The following NBPF12 variants were observed in gnomAD, a reference collection of about 807,000 sequenced individuals.
NBPF12 encodes the protein NBPF member 12.
Under a neutral mutation model 146.4 loss-of-function variants are expected in NBPF12, and 115 were observed. That is an observed-to-expected ratio of 0.79 (90% CI 0.68 to 0.92). NBPF12 has a LOEUF of 0.92. Among genes scored for constraint, NBPF12 ranks in the 40% least tolerant of loss-of-function variants. The probability of loss-of-function intolerance (pLI) is 0.00; values close to 1 mark genes in which losing one functional copy is unlikely to be tolerated. For missense variants in NBPF12, 1,205 were observed against 1,326.8 expected (o/e 0.91, Z 1.43); for synonymous variants, 385 against 508.9 (o/e 0.76, Z 3.28).
chr1:146,977,099 G>A (rs1480453658), intron 17 of NBPF12, 98 bp downstream of exon 20: 27 of 673,226 alleles, frequency 4.0e-5, no homozygotes, highest in East Asian at 1.0e-4. Context: ...CCAAAAACCC[G>A]CATTCGCTTG....
chr1:146,970,943 C>T (rs1273860457), intron 12 of NBPF12, among the ~76,000 whole-genome samples: 4 of 151,302 alleles, frequency 2.6e-5, no homozygotes, highest in African/African-American at 9.8e-5. Context: ...TCTTCATCCT[C>T]CTCAGCTCCT....
At chr1:146,966,143 A>C (rs1656192450) in intron 8 of NBPF12, among the ~76,000 whole-genome samples, 1 of 151,976 alleles carries the variant, frequency 6.6e-6, no homozygotes, top group Non-Finnish European at 1.5e-5. Flanking sequence ...AAAAAAATTA[A>C]AAAAGCAAAA....
chr1:146,980,970 G>A (rs1339254640), intron 19 of NBPF12, among the ~76,000 whole-genome samples: 2 of 133,834 alleles, frequency 1.5e-5, no homozygotes, highest in East Asian at 2.2e-4. Flanking sequence ...ATGAGTTCAT[G>A]TCCTTTGTAG....
chr1:146,944,969 TCCCTCCCTCCCTGCCTTCCTTCC>T (rs1654967508), upstream of NBPF12, among the ~76,000 whole-genome samples: 1 of 73,996 alleles, frequency 1.4e-5, no homozygotes, highest in East Asian at 5.3e-4. Flanking sequence ...CCTCCCTTCC[TCCCTCCCTCCCTGCCTTCCTTCC>T]TCCCTCCCTC....
At chr1:146,976,683 G>C (rs1657055350) in intron 16 of NBPF12, among the ~76,000 whole-genome samples, 1 of 151,758 alleles carries the variant, frequency 6.6e-6, no homozygotes, top group Admixed American at 6.6e-5. Context: ...AGCCTCCAGT[G>C]ATATGGGAAG....
At chr1:146,939,149 T>C (rs1482337191) in intron 1 of NBPF12, among the ~76,000 whole-genome samples, 137 bp downstream of exon 1, 79 of 152,108 alleles carry the variant, frequency 5.2e-4, no homozygotes, top group Non-Finnish European at 9.9e-4. Context: ...CTAAGTTCCC[T>C]GCGCTTGATT....
chr1:146,968,378 G>C, intron 9 of NBPF12, 70 bp from the exon 13 acceptor site: 2 of 1,235,104 alleles, frequency 1.6e-6, no homozygotes, highest in Non-Finnish European at 2.4e-6. Context: ...CCTGGCTCCT[G>C]CCCTGTAGGC....
intron 4 of NBPF12, among the ~76,000 whole-genome samples, chr1:146,960,542 C>T (rs1400944764): frequency 1.3e-5 from 2 of 151,968 alleles, no homozygotes; most frequent in African/African-American, 4.9e-5. Context: ...TAGAGTTAAA[C>T]TCACAGTTAC....
intron 2 of NBPF12, 185 bp downstream of exon 5, chr1:146,951,674 A>G (rs1315970433): frequency 6.9e-5 from 35 of 507,804 alleles, no homozygotes; most frequent in South Asian, 5.7e-4. Flanking sequence ...TAATAATTTT[A>G]TGGGCATTCT....
At chr1:146,984,078 C>A in intron 20 of NBPF12, 56 bp from the exon 24 acceptor site, 1 of 656,440 alleles carries the variant, frequency 1.5e-6, no homozygotes. Flanking sequence ...AGGAATGTTT[C>A]TGTGTGCAAG....
exon 12 of NBPF12, chr1:146,970,708 A>G: frequency 1.5e-6 from 2 of 1,375,768 alleles, no homozygotes; most frequent in Non-Finnish European, 1.0e-6. Context: ...TGCTGGAATC[A>G]TCTTCCCCCA....
At chr1:146,972,987 A>G in intron 14 of NBPF12, 27 bp downstream of exon 17, 2 of 906,168 alleles carry the variant, frequency 2.2e-6, no homozygotes, top group African/African-American at 1.6e-5. Flanking sequence ...CACCATCATG[A>G]AAGTGATGAA....
At chr1:146,978,158 C>T (rs1159872586) in intron 18 of NBPF12, among the ~76,000 whole-genome samples, 4 of 151,118 alleles carry the variant, frequency 2.6e-5, no homozygotes, top group African/African-American at 7.3e-5. Flanking sequence ...GGAAACTTTT[C>T]TTCTTTACTT....
At chr1:146,989,348 C>T (rs1657998342) in intron 27 of NBPF12, among the ~76,000 whole-genome samples, 1 of 146,910 alleles carries the variant, frequency 6.8e-6, no homozygotes, top group Non-Finnish European at 1.5e-5. Context: ...CTGTCTCTGT[C>T]TCTGTCTCTG....
intron 15 of NBPF12, 128 bp downstream of exon 18, chr1:146,974,969 C>T (rs1261968855): frequency 3.9e-6 from 2 of 509,578 alleles, no homozygotes; most frequent in East Asian, 4.2e-5. Context: ...GGCAGGTTTG[C>T]TACACACAAA....
At chr1:146,981,294 A>AATATATATATAT (rs1156779222) in intron 19 of NBPF12, among the ~76,000 whole-genome samples, 1 of 90,222 alleles carries the variant, frequency 1.1e-5, no homozygotes, top group African/African-American at 4.8e-5. Context: ...AAAAAAAAAA[A>AATATATATATAT]ATATATATAT....
intron 2 of NBPF12, among the ~76,000 whole-genome samples, chr1:146,953,591 T>A (rs1319886719): frequency 2.7e-5 from 4 of 146,074 alleles, no homozygotes; most frequent in African/African-American, 1.0e-4. Context: ...TCATACACAG[T>A]AAAAGCATTT....
At chr1:146,973,703 C>T (rs1334499638) in intron 14 of NBPF12, among the ~76,000 whole-genome samples, 13 of 148,124 alleles carry the variant, frequency 8.8e-5, no homozygotes, top group African/African-American at 3.3e-4. Context: ...CAGTAGAATC[C>T]TTTGAACCCA....
Position 146,974,854 on chromosome 1 carries a change from C to G in NBPF12, c.1904+13C>G, listed in dbSNP as rs1656877223. ...CTGAGGAGCTCAGGTGAGGGGACCC[C>G]ATGGGGGCAGACAGGGGGGCAGGTG... On this transcript the variant is annotated intron_variant, in intron 15 of 33. Coordinates refer to ENST00000617844, the Ensembl canonical transcript of NBPF12. 2 of 1,302,054 alleles carry G rather than the reference C, an allele frequency of 1.5e-6. 1 individual carries two copies. The highest frequency in any genetic ancestry group is 3.9e-5 in the African/African-American group (2 of 51,166). The allele number at this position is 1,302,054 out of a possible 1,614,324, so 80.7% of individuals were successfully genotyped here. A position where few individuals can be genotyped will look rare whatever the true frequency, so the allele number is the denominator to read the frequency against.
Sources: allele counts gnomAD v4.1 joint callset (sites outside exome capture counted in the v4.1 genomes callset), GRCh38; gene constraint gnomAD v4.1.1; transcripts MANE v1.5; gene names NCBI Gene and HGNC (gene_info 2026-07-23, HGNC 2026-07-21).